Variants in PBX1 observed in about 807,000 individuals in gnomAD.
PBX1 encodes the protein PBX homeobox 1.
PBX1 carries 6 observed loss-of-function variants against 53.4 expected under a neutral mutation model. The observed-to-expected ratio is 0.11, with a 90% CI of 0.06 to 0.22. The LOEUF (loss-of-function observed/expected upper bound fraction) is 0.22, where lower values mean the gene tolerates loss of function less well. Among genes scored for constraint, PBX1 ranks in the 10% least tolerant of loss-of-function variants. PBX1 has a pLI of 1.00. For missense variants in PBX1, 251 were observed against 551.4 expected, an observed-to-expected ratio of 0.46 and a Z score of 5.46; for synonymous variants, 204 against 212.3, an observed-to-expected ratio of 0.96 and a Z score of 0.34.
intron 2 of PBX1, among the ~76,000 whole-genome samples, chr1:164,858,984 T>C (rs1010509251): frequency 6.6e-6 from 1 of 152,178 alleles, no homozygotes; most frequent in Admixed American, 6.5e-5. Context: ...TACTTGAATG[T>C]GTAAAATCTT....
At chr1:164,838,605 T>C (rs1671153966) in intron 8 of PBX1, among the ~76,000 whole-genome samples, 2 of 152,102 alleles carry the variant, frequency 1.3e-5, no homozygotes, top group Admixed American at 1.3e-4. Flanking sequence ...CTTTTGAAAA[T>C]TGAAATGTCC....
intron 2 of PBX1, among the ~76,000 whole-genome samples, chr1:164,758,728 C>A (rs1666655483): frequency 6.6e-6 from 1 of 151,542 alleles, no homozygotes; most frequent in African/African-American, 2.4e-5. Flanking sequence ...ATGCTCCTTT[C>A]ATGCTCCTTC....
At chr1:164,874,244 G>A (rs1021920177) in intron 2 of PBX1, among the ~76,000 whole-genome samples, 10 of 152,144 alleles carry the variant, frequency 6.6e-5, no homozygotes, top group African/African-American at 2.4e-4. Context: ...GACCATCATA[G>A]CCAGGGATTA....
intron 2 of PBX1, among the ~76,000 whole-genome samples, chr1:164,751,000 G>A (rs185012314): frequency 7.2e-4 from 109 of 152,116 alleles, no homozygotes; most frequent in Non-Finnish European, 1.4e-3. Context: ...GAGGTCAAAA[G>A]TATATTGATA....
chr1:164,646,972 G>C (rs904899270), intron 2 of PBX1, among the ~76,000 whole-genome samples: 1 of 152,240 alleles, frequency 6.6e-6, no homozygotes, highest in Non-Finnish European at 1.5e-5. Context: ...CCTCGGAAGA[G>C]TGTGGAGATG....
intron 2 of PBX1, among the ~76,000 whole-genome samples, chr1:164,716,729 C>CACACACACACACACAG (rs796685795): frequency 1.4e-5 from 2 of 140,376 alleles, no homozygotes; most frequent in African/African-American, 5.2e-5. Flanking sequence ...CACACACACA[C>CACACACACACACACAG]AGAAATACAC....
intron 2 of PBX1, among the ~76,000 whole-genome samples, chr1:164,686,161 C>G (rs887195879): frequency 6.6e-6 from 1 of 152,178 alleles, no homozygotes; most frequent in South Asian, 2.1e-4. Flanking sequence ...GTGTAAAGGC[C>G]TAACACCCAG....
At chr1:164,653,695 G>A (rs1410717448) in intron 2 of PBX1, among the ~76,000 whole-genome samples, 3 of 152,142 alleles carry the variant, frequency 2.0e-5, no homozygotes, top group Non-Finnish European at 4.4e-5. Context: ...GCTTGAACCG[G>A]GGAAGCGGAG....
At chr1:164,657,122 A>AT (rs1267915779) in intron 2 of PBX1, 1 of 152,242 alleles carries the variant, frequency 6.6e-6, no homozygotes. Flanking sequence ...GAGTGGGAAG[A>AT]TAAGAACACA....
Position 164,848,499 on chromosome 1 carries a change from C to T in PBX1, c.*1823C>T, listed in dbSNP as rs148020619. On this transcript the variant is annotated 3_prime_UTR_variant, in exon 9 of 9. Coordinates refer to ENST00000420696, the MANE Select transcript of PBX1 (RefSeq NM_002585.4). ...TAAACGGGTTCATGCCATCTAGGGA[C>T]AATAAATGGTTTTCTTGTTGTAACT... The T allele has an allele frequency of 2.2e-4, 231 of 1,058,746 alleles. 2 individuals carry two copies. The African/African-American group carries it at 3.6e-3, about 17-fold the overall frequency. The allele number at this position is 1,058,746 out of a possible 1,614,324, so 65.6% of individuals were successfully genotyped here.
At chr1:164,769,727 G>A (rs1489326602) in intron 2 of PBX1, 1 of 152,134 alleles carries the variant, frequency 6.6e-6, no homozygotes, top group East Asian at 1.9e-4. Flanking sequence ...AAACTCTATA[G>A]TACTAAAAGG....
intron 2 of PBX1, among the ~76,000 whole-genome samples, chr1:164,715,216 C>G (rs1664018028): frequency 2.0e-5 from 3 of 152,164 alleles, no homozygotes; most frequent in African/African-American, 7.2e-5. Flanking sequence ...GATTTTTCTT[C>G]TAAGTTGTGT....
intron 2 of PBX1, among the ~76,000 whole-genome samples, chr1:164,719,690 C>A (rs555570257): frequency 5.3e-5 from 8 of 151,814 alleles, no homozygotes; most frequent in African/African-American, 1.9e-4. Context: ...TTGTCTTATC[C>A]AATGAATATA....
intron 4 of PBX1, among the ~76,000 whole-genome samples, chr1:164,801,330 CTGGTGG>C (rs1210192821): frequency 6.6e-6 from 1 of 152,026 alleles, no homozygotes; most frequent in Non-Finnish European, 1.5e-5. Flanking sequence ...GTGCAAGTGA[CTGGTGG>C]CCTCTGTTTG....
At chr1:164,845,670 G>T (rs1671536476) in intron 8 of PBX1, among the ~76,000 whole-genome samples, 2 of 152,140 alleles carry the variant, frequency 1.3e-5, no homozygotes, top group Admixed American at 6.5e-5. Context: ...TTACTAAACA[G>T]ATTTTTTTAG....
intron 2 of PBX1, chr1:164,680,748 G>A (rs1039038174): frequency 6.6e-6 from 1 of 152,182 alleles, no homozygotes; most frequent in African/African-American, 2.4e-5. Context: ...TCTGTCTGAG[G>A]TCTCCCTTTG....
chr1:164,606,224 T>G (rs191120431), intron 2 of PBX1, among the ~76,000 whole-genome samples: 15 of 152,376 alleles, frequency 9.8e-5, no homozygotes, highest in Middle Eastern at 3.4e-3. Context: ...GTGTGGTGGC[T>G]CACGCCTGTT....
intron 2 of PBX1, among the ~76,000 whole-genome samples, chr1:164,784,620 C>G (rs995110893): frequency 3.3e-5 from 5 of 152,202 alleles, no homozygotes; most frequent in African/African-American, 1.2e-4. Flanking sequence ...TCATCTCTTG[C>G]CCTAAAACCT....
At chr1:164,756,880 T>A (rs1013778303) in intron 2 of PBX1, among the ~76,000 whole-genome samples, 1 of 152,184 alleles carries the variant, frequency 6.6e-6, no homozygotes, top group Non-Finnish European at 1.5e-5. Flanking sequence ...CAAACAGTTG[T>A]CACAGATAAA....
Sources: gnomAD v4.1 joint callset for allele counts (sites outside exome capture counted in the v4.1 genomes callset) on GRCh38, gnomAD v4.1.1 for gene constraint, MANE v1.5 for transcripts, NCBI Gene and HGNC (gene_info 2026-07-23, HGNC 2026-07-21) for gene names.